SCAPER: variants seen among roughly 807,000 people sequenced by gnomAD.
SCAPER encodes S phase cyclin A-associated protein in the endoplasmic reticulum.
Under a neutral mutation model 182.2 loss-of-function variants are expected in SCAPER, and 98 were observed. The ratio of observed to expected loss-of-function variants is 0.54; its 90% CI spans 0.46 to 0.64. The LOEUF (loss-of-function observed/expected upper bound fraction) is 0.64. Among genes scored for constraint, SCAPER ranks in the 30% least tolerant of loss-of-function variants. SCAPER has a pLI of 0.00. For synonymous variants in SCAPER, 605 were observed against 564.6 expected, an observed-to-expected ratio of 1.07 and a Z score of -1.01; for missense variants, 1,432 against 1,690.0, an observed-to-expected ratio of 0.85 and a Z score of 2.68.
At chr15:76,737,469 TG>T (rs1377357682) in intron 15 of SCAPER, among the ~76,000 whole-genome samples, 1 of 152,268 alleles carries the variant, frequency 6.6e-6, no homozygotes, top group Non-Finnish European at 1.5e-5. Context: ...CCAGCTTTGT[TG>T]TTCCATTTAT....
In SCAPER at chr15:76,720,498, C is replaced by A. The variant is rs534811520; in HGVS notation, c.2165+8097G>T. 5.0e-4 allele frequency among the ~76,000 whole-genome samples: 76 copies of A among 152,298 alleles called. 1 individual carries two copies. Among genetic ancestry groups the A allele is most frequent in the Admixed American group, 1.8e-3 (27 of 15,306 alleles). ...TTCTAGTTCTAGATCCCTGAGGAAT[C>A]ACCACACTGACTTCCACAATGGTTG... On this transcript the variant is annotated intron_variant, in intron 17 of 31. Transcript: ENST00000563290.
At chr15:76,696,391 T>C (rs1567827325) in intron 20 of SCAPER, among the ~76,000 whole-genome samples, 1 of 152,244 alleles carries the variant, frequency 6.6e-6, no homozygotes. Flanking sequence ...AAGTCACATA[T>C]GGTTGTAAAC....
chr15:76,695,041 T>A (rs1279582844), intron 20 of SCAPER, among the ~76,000 whole-genome samples: 2 of 152,152 alleles, frequency 1.3e-5, no homozygotes, highest in African/African-American at 4.8e-5. Context: ...TTTAAGATAT[T>A]TATAAAAACC....
intron 23 of SCAPER, among the ~76,000 whole-genome samples, chr15:76,561,408 T>G (rs2046611069): frequency 6.6e-6 from 1 of 152,190 alleles, no homozygotes; most frequent in Non-Finnish European, 1.5e-5. Context: ...ATAAAGTATT[T>G]TATATACTAC....
intron 24 of SCAPER, among the ~76,000 whole-genome samples, chr15:76,499,440 G>T (rs574410106): frequency 6.6e-6 from 1 of 152,198 alleles, no homozygotes; most frequent in Non-Finnish European, 1.5e-5. Flanking sequence ...AGATCAAATT[G>T]TAAGTCTATA....
chr15:76,424,447 CTTTT>C (rs980173780), intron 26 of SCAPER, among the ~76,000 whole-genome samples: 4 of 152,014 alleles, frequency 2.6e-5, no homozygotes, highest in Non-Finnish European at 5.9e-5. Flanking sequence ...CAACTCCTGC[CTTTT>C]TTTGTTTTCC....
chr15:76,432,556 G>A (rs2046938330), intron 26 of SCAPER, among the ~76,000 whole-genome samples: 1 of 152,230 alleles, frequency 6.6e-6, no homozygotes, highest in African/African-American at 2.4e-5. Context: ...TGGATTTGGG[G>A]AGCCAGAGAT....
intron 9 of SCAPER, among the ~76,000 whole-genome samples, chr15:76,773,385 T>G (rs2063572681): frequency 6.6e-6 from 1 of 151,936 alleles, no homozygotes. Flanking sequence ...ATAGGTTTAT[T>G]CACTACACAC....
At chr15:76,388,678 C>T (rs955163385) in intron 27 of SCAPER, among the ~76,000 whole-genome samples, 6 of 151,968 alleles carry the variant, frequency 3.9e-5, no homozygotes, top group African/African-American at 1.4e-4. Context: ...TACAGTCAGT[C>T]GGCTGGGCGT....
intron 22 of SCAPER, among the ~76,000 whole-genome samples, chr15:76,607,921 A>AT (rs1177001477): frequency 6.6e-6 from 1 of 151,650 alleles, no homozygotes; most frequent in South Asian, 2.1e-4. Context: ...CATTCGTCTA[A>AT]TTTTTTTTCA....
intron 8 of SCAPER, among the ~76,000 whole-genome samples, chr15:76,784,612 A>C (rs2064436928): frequency 6.6e-6 from 1 of 152,226 alleles, no homozygotes. Context: ...AGCTGAAGGC[A>C]ACACACTACC....
At chr15:76,574,517 C>G (rs981384538) in intron 22 of SCAPER, among the ~76,000 whole-genome samples, 1 of 152,128 alleles carries the variant, frequency 6.6e-6, no homozygotes, top group East Asian at 1.9e-4. Flanking sequence ...TATTATCAAT[C>G]TACAGGATTA....
At chr15:76,739,680 C>T (rs1163649460) in intron 15 of SCAPER, among the ~76,000 whole-genome samples, 1 of 152,154 alleles carries the variant, frequency 6.6e-6, no homozygotes, top group African/African-American at 2.4e-5. Flanking sequence ...TTTCCATTTC[C>T]TATTTTTGGA....
chr15:76,692,166 G>C (rs2058396983), intron 20 of SCAPER, among the ~76,000 whole-genome samples: 1 of 152,128 alleles, frequency 6.6e-6, no homozygotes, highest in Admixed American at 6.5e-5. Flanking sequence ...TACTGCAATG[G>C]TCAGGTTTTG....
chr15:76,607,445 T>A (rs2050534884), intron 22 of SCAPER, among the ~76,000 whole-genome samples: 1 of 152,230 alleles, frequency 6.6e-6, no homozygotes, highest in Admixed American at 6.5e-5. Flanking sequence ...TGGCTGCTCT[T>A]AACATTTTTT....
At chr15:76,736,225 T>A (rs973356570) in intron 15 of SCAPER, among the ~76,000 whole-genome samples, 1 of 152,222 alleles carries the variant, frequency 6.6e-6, no homozygotes, top group Non-Finnish European at 1.5e-5. Flanking sequence ...ACACTTTTTC[T>A]AAAAAATGCT....
chr15:76,899,665 C>T (rs1020183421), intron 1 of SCAPER, among the ~76,000 whole-genome samples: 3 of 151,824 alleles, frequency 2.0e-5, no homozygotes, highest in Non-Finnish European at 4.4e-5. Flanking sequence ...GCCGCCCCGT[C>T]TGGAAAGTGA....
At chr15:76,871,338 G>A (rs1485995501) in intron 2 of SCAPER, among the ~76,000 whole-genome samples, 2 of 149,852 alleles carry the variant, frequency 1.3e-5, no homozygotes, top group Non-Finnish European at 1.5e-5. Context: ...GAACCCAGGA[G>A]GCAGAGGTTG....
intron 20 of SCAPER, among the ~76,000 whole-genome samples, chr15:76,701,240 A>C (rs1328593222): frequency 2.0e-5 from 3 of 152,240 alleles, no homozygotes; most frequent in Non-Finnish European, 4.4e-5. Context: ...AATTTACTAT[A>C]ATAAATAGGA....
Sources: gnomAD v4.1 joint callset for allele counts (sites outside exome capture counted in the v4.1 genomes callset) on GRCh38, gnomAD v4.1.1 for gene constraint, MANE v1.5 for transcripts, NCBI Gene and HGNC (gene_info 2026-07-23, HGNC 2026-07-21) for gene names.